AGO2: variants seen among roughly 807,000 people sequenced by gnomAD.
The protein encoded by AGO2 is argonaute RISC catalytic component 2.
Under a neutral mutation model 102.3 loss-of-function variants are expected in AGO2, and 5 were observed. The ratio of observed to expected loss-of-function variants is 0.05; its 90% confidence interval spans 0.03 to 0.10. The LOEUF is 0.10. Among genes scored for constraint, AGO2 ranks in the 10% least tolerant of loss-of-function variants. The pLI is 1.00. For synonymous variants in AGO2, 449 were observed against 473.1 expected, an observed-to-expected ratio of 0.95 and a Z score of 0.66; for missense variants, 541 against 1,183.7, an observed-to-expected ratio of 0.46 and a Z score of 7.97.
rs1483216144 is a variant in AGO2, at chr8:140,540,450, G to T, written c.2034+714C>A. ...GACCGTGTGGCATGGCGAGGGGTGG[G>T]GAGGAATCGGCTCTAGCCAACGGGA... is the stretch of plus-strand genomic sequence containing the variant. On this transcript the variant is annotated intron_variant, in intron 15 of 18. Transcript: ENST00000220592. This position sits in a 1 kb window ranked among gnomAD's most constrained non-coding sequence, Gnocchi z 5.0. Among the ~76,000 whole-genome samples, 2 of 152,322 alleles carry T rather than the reference G, an allele frequency of 1.3e-5. No homozygotes were observed. Among genetic ancestry groups the T allele is most frequent in the East Asian group, 3.9e-4 (2 of 5,190 alleles).
At chr8:140,593,703 T>C (rs1389844399) in intron 1 of AGO2, among the ~76,000 whole-genome samples, 1 of 152,054 alleles carries the variant, frequency 6.6e-6, no homozygotes, top group Non-Finnish European at 1.5e-5. Context: ...CACCATTGTG[T>C]CAGGTACAAT....
chr8:140,589,591 T>C lies in AGO2; in HGVS notation c.23-4280A>G, dbSNP rs1402336369. Among the ~76,000 whole-genome samples the C allele has an allele frequency of 6.6e-6, 1 of 152,168 alleles. No homozygotes were observed. Among genetic ancestry groups the C allele is most frequent in the Non-Finnish European group, 1.5e-5 (1 of 68,034 alleles). On this transcript the variant is annotated intron_variant, in intron 1 of 18. Coordinates refer to ENST00000220592, the MANE Select transcript of AGO2 (RefSeq NM_012154.5). The surrounding 1 kb of genome is among the most constrained non-coding windows in gnomAD (Gnocchi z 4.2). ...CATTATTCAAAGCCATGCTTCCCGA[T>C]GGTCCTCCTAGAACTCTGCATTCAT... is the stretch of plus-strand genomic sequence containing the variant.
intron 2 of AGO2, among the ~76,000 whole-genome samples, chr8:140,581,658 C>T (rs374600198): frequency 2.6e-5 from 4 of 152,200 alleles, no homozygotes; most frequent in East Asian, 1.9e-4. Context: ...TGGAGAGCCA[C>T]ACAGCAGTGA....
rs1287293909 is a variant in AGO2, at chr8:140,522,853, G to A, written c.*9191C>T. The A allele has an allele frequency of 2.0e-5, 3 of 151,786 alleles. No individual in the cohort carries two copies. Among genetic ancestry groups the A allele is most frequent in the Non-Finnish European group, 2.9e-5 (2 of 67,992 alleles). The allele number at this position is 151,786 out of a possible 1,614,324, so 9.4% of individuals were successfully genotyped here. On this transcript the variant is annotated 3_prime_UTR_variant, in exon 19 of 19. Coordinates refer to ENST00000220592, the MANE Select transcript of AGO2 (RefSeq NM_012154.5). ...TACACTCACTCTGCCTAATATTTTTGCATACTCTGAAACTCACAAATTTAA... is the reference window on the plus strand; with the variant it reads ...TACACTCACTCTGCCTAATATTTTTACATACTCTGAAACTCACAAATTTAA...
At chr8:140,641,633 G>C in the AGO2 span, among the ~76,000 whole-genome samples, 3 of 152,158 alleles carry the variant, frequency 2.0e-5, no homozygotes, top group African/African-American at 7.2e-5. Flanking sequence ...ACCTGGGCTG[G>C]AGTGCAGTGG....
chr8:140,592,371 T>C (rs1261615720), intron 1 of AGO2: 1 of 152,224 alleles, frequency 6.6e-6, no homozygotes, highest in African/African-American at 2.4e-5. Flanking sequence ...CCTTTTCTGG[T>C]TTCAACTCTA....
upstream of AGO2, among the ~76,000 whole-genome samples, chr8:140,635,844 G>T (rs1319093167): frequency 1.4e-5 from 2 of 145,756 alleles, no homozygotes; most frequent in Admixed American, 1.4e-4. Flanking sequence ...GGGGACCCGG[G>T]GAGGGGCCCG....
intron 14 of AGO2, among the ~76,000 whole-genome samples, chr8:140,543,176 CAA>C (rs138808574): frequency 6.8e-6 from 1 of 147,292 alleles, no homozygotes; most frequent in Non-Finnish European, 1.5e-5. Flanking sequence ...ATAGAAACAA[CAA>C]AAAAAAACCC....
intron 1 of AGO2, chr8:140,592,683 CAG>C (rs1243666769): frequency 1.3e-5 from 2 of 152,182 alleles, no homozygotes; most frequent in Non-Finnish European, 1.5e-5. Context: ...TTAGTAGAGA[CAG>C]GGGTCTTGCT....
chr8:140,619,959 G>T (rs1350021540), intron 1 of AGO2, among the ~76,000 whole-genome samples: 1 of 152,178 alleles, frequency 6.6e-6, no homozygotes, highest in Non-Finnish European at 1.5e-5. Context: ...TCTCCTGCCT[G>T]CATCCAGACC....
chr8:140,590,360 G>A (rs1311765845), intron 1 of AGO2, among the ~76,000 whole-genome samples: 1 of 152,176 alleles, frequency 6.6e-6, no homozygotes, highest in Non-Finnish European at 1.5e-5. Context: ...CGCACTTTGG[G>A]GGTCCCAGGT....
At chr8:140,612,487 T>C (rs2074093801) in intron 1 of AGO2, among the ~76,000 whole-genome samples, 1 of 151,734 alleles carries the variant, frequency 6.6e-6, no homozygotes, top group African/African-American at 2.4e-5. Flanking sequence ...TTTTTCTGGC[T>C]GGGTGTGGTG....
At chr8:140,581,864 C>T (rs1037762021) in intron 2 of AGO2, among the ~76,000 whole-genome samples, 1 of 152,220 alleles carries the variant, frequency 6.6e-6, no homozygotes, top group African/African-American at 2.4e-5. Context: ...AGTCCCCAGA[C>T]ATTCTCTCTC....
intron 1 of AGO2, among the ~76,000 whole-genome samples, chr8:140,627,362 C>A (rs2074291629): frequency 1.3e-5 from 2 of 152,242 alleles, no homozygotes; most frequent in African/African-American, 4.8e-5. Flanking sequence ...TGACAAACAT[C>A]TCAAATGGTT....
At position 140,525,985 on chromosome 8, in the gene AGO2, G is replaced by A. The variant is rs2132838631; in HGVS notation, c.*6059C>T. 6.6e-6 allele frequency: 1 copy of A among 152,290 alleles called. No individual in the cohort carries two copies. Among genetic ancestry groups the A allele is most frequent in the Admixed American group, 6.5e-5 (1 of 15,310 alleles). 9.4% of individuals were successfully genotyped at this position (152,290 alleles called of 1,614,324 possible). The stretch of plus-strand genomic sequence containing the variant: ...TCAAAACACCAGCTGTGGGCCCTGT[G>A]TTCTTTTCAAACAAAGGGCCCTGGA... On this transcript the variant is annotated 3_prime_UTR_variant, in exon 19 of 19. Coordinates refer to ENST00000220592, the MANE Select transcript of AGO2 (RefSeq NM_012154.5).
At chr8:140,578,849 C>T (rs2073507304) in intron 2 of AGO2, among the ~76,000 whole-genome samples, 4 of 152,250 alleles carry the variant, frequency 2.6e-5, no homozygotes, top group East Asian at 1.9e-4. Context: ...GAAGCCGGAG[C>T]GTGTTGCTAA....
upstream of AGO2, among the ~76,000 whole-genome samples, chr8:140,635,820 G>C (rs1261946257): frequency 2.1e-5 from 3 of 144,230 alleles, no homozygotes. Context: ...GCCGGGTCTG[G>C]CGGGGCCTGG....
Position 140,526,014 on chromosome 8 carries a change from G to C in AGO2, c.*6030C>G, listed in dbSNP as rs2072498909. On this transcript the variant is annotated 3_prime_UTR_variant, in exon 19 of 19. Transcript: ENST00000220592. The surrounding 1 kb of genome is among the most constrained non-coding windows in gnomAD (Gnocchi z 5.2). Reference sequence around the variant, plus strand: ...TTTTCAAACAAAGGGCCCTGGATTTGAACAGAATGCTTTGCTTTCAACCCT... The same window carrying C: ...TTTTCAAACAAAGGGCCCTGGATTTCAACAGAATGCTTTGCTTTCAACCCT... 1 of 152,190 alleles carries C rather than the reference G, an allele frequency of 6.6e-6. No individual in the cohort carries two copies. Among genetic ancestry groups the C allele is most frequent in the African/African-American group, 2.4e-5 (1 of 41,440 alleles). 9.4% of individuals were successfully genotyped at this position (152,190 alleles called of 1,614,324 possible). A position where few individuals can be genotyped will look rare whatever the true frequency, so the allele number is the denominator to read the frequency against.
chr8:140,582,496 A>G (rs577924722), intron 2 of AGO2, among the ~76,000 whole-genome samples: 4 of 152,314 alleles, frequency 2.6e-5, no homozygotes, highest in Admixed American at 2.0e-4. Context: ...AACTTGAAAC[A>G]CTTCTAGTCC....
Sources: gnomAD v4.1 joint callset for allele counts (sites outside exome capture counted in the v4.1 genomes callset) on GRCh38, gnomAD v4.1.1 for gene constraint, Gnocchi (gnomAD v3.1) non-coding constraint, MANE v1.5 for transcripts, NCBI Gene and HGNC (gene_info 2026-07-23, HGNC 2026-07-21) for gene names.